Variants in NRG1 observed in about 807,000 individuals in gnomAD.
The protein encoded by NRG1 is neuregulin 1, also known as pro-neuregulin-1, membrane-bound isoform.
NRG1 carries 18 observed loss-of-function variants against 63.8 expected under a neutral mutation model. The observed-to-expected ratio is 0.28, with a 90% CI of 0.19 to 0.42. The LOEUF (loss-of-function observed/expected upper bound fraction) is 0.42. Among genes scored for constraint, NRG1 ranks in the 10% least tolerant of loss-of-function variants. The probability of loss-of-function intolerance (pLI) is 1.00; values close to 1 mark genes in which losing one functional copy is unlikely to be tolerated. For synonymous variants in NRG1, 302 were observed against 301.3 expected (o/e 1.00, Z -0.02); for missense variants, 762 against 814.7 (o/e 0.94, Z 0.79).
intron 1 of NRG1, among the ~76,000 whole-genome samples, chr8:31,949,031 G>T (rs1803059019): frequency 6.6e-6 from 1 of 152,098 alleles, no homozygotes; most frequent in Admixed American, 6.5e-5. Context: ...TTCCAATTAA[G>T]AAGGATGACA....
intron 1 of NRG1, among the ~76,000 whole-genome samples, chr8:31,662,688 G>A (rs1159082415): frequency 6.6e-6 from 1 of 152,172 alleles, no homozygotes; most frequent in African/African-American, 2.4e-5. Context: ...GACTCGTTGT[G>A]TGTCTATTAT....
At chr8:32,728,310 T>C in intron 6 of NRG1, 2 of 983,696 alleles carry the variant, frequency 2.0e-6, no homozygotes, top group Non-Finnish European at 2.4e-6. Context: ...TTTGTTTTTG[T>C]TTTTGTTTTT....
chr8:32,064,477 T>C (rs560682930), intron 1 of NRG1, among the ~76,000 whole-genome samples: 1 of 152,250 alleles, frequency 6.6e-6, no homozygotes, highest in African/African-American at 2.4e-5. Context: ...GCTGACAATT[T>C]GCCATCCTTC....
intron 1 of NRG1, among the ~76,000 whole-genome samples, chr8:32,254,405 C>T (rs1181101162): frequency 6.6e-6 from 1 of 152,130 alleles, no homozygotes; most frequent in South Asian, 2.1e-4. Flanking sequence ...TTTCAAAGAA[C>T]TTATTTATTT....
intron 1 of NRG1, among the ~76,000 whole-genome samples, chr8:31,868,194 A>ACACACACACACACAC (rs1829159535): frequency 6.7e-6 from 1 of 149,994 alleles, no homozygotes; most frequent in African/African-American, 2.5e-5. Context: ...ACACACACAC[A>ACACACACACACACAC]AATAAGCCCT....
intron 1 of NRG1, among the ~76,000 whole-genome samples, chr8:31,663,332 T>G (rs1806196154): frequency 6.6e-6 from 1 of 152,200 alleles, no homozygotes; most frequent in Non-Finnish European, 1.5e-5. Flanking sequence ...AAATGATGCT[T>G]ATTATTCTAT....
intron 1 of NRG1, among the ~76,000 whole-genome samples, chr8:31,996,430 C>T (rs1811976985): frequency 6.6e-6 from 1 of 151,950 alleles, no homozygotes; most frequent in Non-Finnish European, 1.5e-5. Flanking sequence ...CAAGTGATTA[C>T]TGACTTACTG....
chr8:32,308,047 C>T (rs920815878), intron 1 of NRG1, among the ~76,000 whole-genome samples: 3 of 152,168 alleles, frequency 2.0e-5, no homozygotes, highest in African/African-American at 7.2e-5. Context: ...GGGAACCATG[C>T]TCCATTTTCA....
intron 6 of NRG1, among the ~76,000 whole-genome samples, chr8:32,738,241 G>A (rs1825570369): frequency 6.6e-6 from 1 of 152,108 alleles, no homozygotes. Flanking sequence ...GAGCATAGAA[G>A]TGGGTGATGG....
At position 31,640,541 on chromosome 8, in the gene NRG1, G is replaced by C; in HGVS notation, c.37+1110G>C. 1.2e-6 allele frequency: 2 copies of C among 1,611,856 alleles called. No individual in the cohort carries two copies. The highest frequency in any genetic ancestry group is 2.2e-5 in the South Asian group (2 of 90,976). Reference sequence around the variant, plus strand: ...GACTCGCTGCTCACCGTGCGCCTGGGGACCTGGGGCCACCCCGCCTTCCCC... The same window carrying C: ...GACTCGCTGCTCACCGTGCGCCTGGCGACCTGGGGCCACCCCGCCTTCCCC... On this transcript the variant is annotated intron_variant, in intron 1 of 10. Coordinates refer to the NRG1 transcript ENST00000519301. This position sits in a 1 kb window ranked among gnomAD's most constrained non-coding sequence, Gnocchi z 6.3.
chr8:31,746,402 C>T (rs560090396), intron 1 of NRG1, among the ~76,000 whole-genome samples: 3 of 152,080 alleles, frequency 2.0e-5, no homozygotes, highest in African/African-American at 2.4e-5. Context: ...AATTAGACGA[C>T]GTTTTTCATC....
chr8:32,246,929 T>C (rs865835827), intron 1 of NRG1, among the ~76,000 whole-genome samples: 6 of 152,166 alleles, frequency 3.9e-5, no homozygotes, highest in Admixed American at 6.6e-5. Context: ...AATAAAGTGT[T>C]GTACATTTCA....
chr8:32,355,815 G>A (rs1351928106), intron 1 of NRG1, among the ~76,000 whole-genome samples: 1 of 152,010 alleles, frequency 6.6e-6, no homozygotes, highest in East Asian at 1.9e-4. Context: ...CTTGTAGTAC[G>A]GTACCTGGGT....
chr8:32,538,262 CA>C (rs1296609422), intron 1 of NRG1, among the ~76,000 whole-genome samples: 3 of 151,822 alleles, frequency 2.0e-5, no homozygotes, highest in African/African-American at 7.3e-5. Context: ...CTCAAGCAAT[CA>C]AAAAATATCA....
At chr8:31,923,545 G>A (rs146847414) in intron 1 of NRG1, among the ~76,000 whole-genome samples, 7 of 151,958 alleles carry the variant, frequency 4.6e-5, no homozygotes, top group Non-Finnish European at 8.8e-5. Context: ...TCTTCCTTAC[G>A]TATTTGGGAG....
chr8:31,906,042 A>T (rs886437024), intron 1 of NRG1, among the ~76,000 whole-genome samples: 9 of 152,230 alleles, frequency 5.9e-5, no homozygotes, highest in Non-Finnish European at 7.3e-5. Flanking sequence ...TTACCAGCTT[A>T]AAATAACAAG....
intron 1 of NRG1, among the ~76,000 whole-genome samples, chr8:32,170,954 T>A (rs1251670739): frequency 6.6e-6 from 1 of 152,212 alleles, no homozygotes; most frequent in African/African-American, 2.4e-5. Flanking sequence ...AGGCTGAGAA[T>A]CACTTACCTG....
At chr8:32,749,803 A>ACTT (rs943407841) in intron 7 of NRG1, 7 of 585,674 alleles carry the variant, frequency 1.2e-5, no homozygotes, top group Non-Finnish European at 2.1e-5. Context: ...AGCATCCTTC[A>ACTT]CTTAGAGTTT....
At chr8:32,589,746 G>T (rs1054114921) in intron 1 of NRG1, among the ~76,000 whole-genome samples, 1 of 152,118 alleles carries the variant, frequency 6.6e-6, no homozygotes, top group South Asian at 2.1e-4. Flanking sequence ...TACAATATTC[G>T]ATATAGCTGC....
Sources: allele counts gnomAD v4.1 joint callset (sites outside exome capture counted in the v4.1 genomes callset), GRCh38; gene constraint gnomAD v4.1.1; non-coding constraint Gnocchi (gnomAD v3.1); transcripts MANE v1.5; gene names NCBI Gene and HGNC (gene_info 2026-07-23, HGNC 2026-07-21).